Variants in KMT5B observed in about 807,000 individuals in gnomAD.
The protein encoded by KMT5B is histone-lysine N-methyltransferase KMT5B.
KMT5B carries 10 observed loss-of-function variants against 83.2 expected under a neutral mutation model. That is an observed-to-expected ratio of 0.12 (90% CI 0.07 to 0.20). The LOEUF (loss-of-function observed/expected upper bound fraction) is 0.20, where lower values mean the gene tolerates loss of function less well. Ranked by LOEUF, KMT5B falls within the 10% of genes least tolerant of loss-of-function variation. KMT5B has a pLI of 1.00. For missense variants in KMT5B, 753 were observed against 1,067.2 expected, an observed-to-expected ratio of 0.71 and a Z score of 4.10; for synonymous variants, 349 against 388.8, an observed-to-expected ratio of 0.90 and a Z score of 1.20.
At chr11:68,201,668 C>G (rs1345490628) in intron 1 of KMT5B, among the ~76,000 whole-genome samples, 1 of 151,854 alleles carries the variant, frequency 6.6e-6, no homozygotes. Context: ...TACCGAGAAC[C>G]CTCTAGCCAG....
chr11:68,203,722 A>G (rs951425231), intron 1 of KMT5B, among the ~76,000 whole-genome samples: 1 of 152,230 alleles, frequency 6.6e-6, no homozygotes, highest in Middle Eastern at 3.2e-3. Context: ...TCACCTGAGA[A>G]GCTAGGTGAC....
At chr11:68,185,676 T>C (rs1001365493) in intron 3 of KMT5B, 105 bp downstream of exon 3, 4 of 1,196,554 alleles carry the variant, frequency 3.3e-6, no homozygotes, top group Non-Finnish European at 4.6e-6. Context: ...CAAAGAACTT[T>C]CCTTTAATGT....
At chr11:68,192,584 C>T (rs1409003209) in intron 1 of KMT5B, among the ~76,000 whole-genome samples, 1 of 152,170 alleles carries the variant, frequency 6.6e-6, no homozygotes, top group Non-Finnish European at 1.5e-5. Flanking sequence ...ATGCTCTGAA[C>T]TGGGTGAGTA....
chr11:68,193,051 A>G (rs1201324550), intron 1 of KMT5B, among the ~76,000 whole-genome samples: 1 of 152,244 alleles, frequency 6.6e-6, no homozygotes, highest in East Asian at 1.9e-4. Flanking sequence ...AAGGATGTCC[A>G]TGATACCACC....
intron 2 of KMT5B, among the ~76,000 whole-genome samples, chr11:68,186,854 A>C (rs1857481123): frequency 6.6e-6 from 1 of 152,244 alleles, no homozygotes. Flanking sequence ...ACAAATACTT[A>C]AATGTAAGTT....
chr11:68,212,462 T>C (rs1461927738), intron 1 of KMT5B: 1 of 152,190 alleles, frequency 6.6e-6, no homozygotes, highest in Non-Finnish European at 1.5e-5. Flanking sequence ...TAAACCCAAA[T>C]AGACTGAATT....
intron 1 of KMT5B, among the ~76,000 whole-genome samples, chr11:68,193,185 A>G (rs528803120): frequency 6.6e-6 from 1 of 152,346 alleles, no homozygotes; most frequent in East Asian, 1.9e-4. Flanking sequence ...CAATTTGCAA[A>G]TGAAACTGAG....
intron 1 of KMT5B, 126 bp from the exon 2 acceptor site, chr11:68,190,278 T>C: frequency 1.8e-6 from 1 of 554,868 alleles, no homozygotes; most frequent in Non-Finnish European, 3.2e-6. Context: ...TATAATGATG[T>C]TTTGGTCAAT....
At chr11:68,183,803 G>A (rs888974900) in intron 3 of KMT5B, among the ~76,000 whole-genome samples, 2 of 150,302 alleles carry the variant, frequency 1.3e-5, no homozygotes, top group Admixed American at 1.3e-4. Context: ...AGGACTACAG[G>A]TGTGCACCAC....
intron 10 of KMT5B, chr11:68,166,104 C>T: frequency 6.8e-7 from 1 of 1,459,938 alleles, no homozygotes; most frequent in Non-Finnish European, 9.0e-7. Context: ...ATCGCCAAGT[C>T]AAAACTTTCT....
Position 68,171,834 on chromosome 11 carries a change from A to ACG in KMT5B, c.654-126_654-125insCG. ...AGGCCTAGCTGTCTATACTTTAGTTAGCTCACTGGGATCCCCACCTGGCTA... is the reference window on the plus strand; with the variant it reads ...AGGCCTAGCTGTCTATACTTTAGTTACGGCTCACTGGGATCCCCACCTGGCTA... On this transcript the variant is annotated intron_variant, in intron 6 of 10. Coordinates refer to ENST00000304363, the MANE Select transcript of KMT5B (RefSeq NM_017635.5). This position sits in a 1 kb window ranked among gnomAD's most constrained non-coding sequence, Gnocchi z 5.1. The ACG allele has an allele frequency of 2.6e-6, 2 of 767,216 alleles. No homozygotes were observed. Among genetic ancestry groups the ACG allele is most frequent in the Admixed American group, 2.9e-5 (1 of 34,418 alleles). The allele number at this position is 767,216 out of a possible 1,614,324, so 47.5% of individuals were successfully genotyped here.
intron 10 of KMT5B, among the ~76,000 whole-genome samples, chr11:68,163,422 CAGA>C (rs747911749): frequency 7.2e-5 from 11 of 152,324 alleles, no homozygotes; most frequent in East Asian, 3.9e-4. Context: ...AAGGCATATA[CAGA>C]AGAATTATGG....
chr11:68,192,742 TA>T (rs1378728137), intron 1 of KMT5B, among the ~76,000 whole-genome samples: 1 of 152,086 alleles, frequency 6.6e-6, no homozygotes, highest in Non-Finnish European at 1.5e-5. Flanking sequence ...GGGACAAGAG[TA>T]AGGAAAGTAA....
intron 2 of KMT5B, 66 bp downstream of exon 2, chr11:68,189,851 A>G: frequency 6.7e-7 from 1 of 1,483,076 alleles, no homozygotes; most frequent in African/African-American, 1.4e-5. Context: ...AATACACATT[A>G]CAAACTGGAA....
chr11:68,187,594 G>T (rs1021495641), intron 2 of KMT5B, among the ~76,000 whole-genome samples: 2 of 152,018 alleles, frequency 1.3e-5, no homozygotes, highest in African/African-American at 2.4e-5. Flanking sequence ...CTTGTTATAC[G>T]GTCTAGCATA....
At chr11:68,202,716 T>C (rs1039957800) in intron 1 of KMT5B, among the ~76,000 whole-genome samples, 12 of 151,220 alleles carry the variant, frequency 7.9e-5, no homozygotes, top group African/African-American at 2.7e-4. Context: ...GCCCGGCTAA[T>C]TTTTGTATTT....
rs1425318963 is a variant in KMT5B at position 68,211,462 on chromosome 11, ATATAAT to A, written c.-77+1670_-77+1675del. Reference sequence around the variant, plus strand: ...TTCACTCTCCAGCTCAGTTTTTAAAATATAATTATGTTTGTAAACAACATTAAAGTG... The same window carrying A: ...TTCACTCTCCAGCTCAGTTTTTAAAATATGTTTGTAAACAACATTAAAGTG... On this transcript the variant is annotated intron_variant, in intron 1 of 10. Coordinates refer to ENST00000304363, the MANE Select transcript of KMT5B (RefSeq NM_017635.5). 5.3e-5 allele frequency among the ~76,000 whole-genome samples: 8 copies of A among 152,270 alleles called. No individual in the cohort carries two copies. The South Asian group carries it at 1.4e-3, about 28-fold the overall frequency.
intron 1 of KMT5B, among the ~76,000 whole-genome samples, chr11:68,209,521 G>A (rs1860601181): frequency 6.6e-6 from 1 of 152,174 alleles, no homozygotes; most frequent in African/African-American, 2.4e-5. Flanking sequence ...TGCCATTAGA[G>A]ATGTGCTGAC....
chr11:68,173,104 G>A (rs902987053), intron 6 of KMT5B, among the ~76,000 whole-genome samples: 5 of 152,112 alleles, frequency 3.3e-5, no homozygotes, highest in Non-Finnish European at 7.4e-5. Flanking sequence ...GCAGTGGCGC[G>A]ATCTCAGCTC....
Sources: allele counts gnomAD v4.1 joint callset (sites outside exome capture counted in the v4.1 genomes callset), GRCh38; gene constraint gnomAD v4.1.1; non-coding constraint Gnocchi (gnomAD v3.1); transcripts MANE v1.5; gene names NCBI Gene and HGNC (gene_info 2026-07-23, HGNC 2026-07-21).